Variants in ULK4 observed in about 807,000 individuals in gnomAD.
ULK4 encodes the protein unc-51 like kinase 4, also known as inactive serine/threonine-protein kinase ULK4.
Under a neutral mutation model 160.6 loss-of-function variants are expected in ULK4, and 133 were observed. The ratio of observed to expected loss-of-function variants is 0.83; its 90% confidence interval spans 0.72 to 0.96. ULK4 has a LOEUF of 0.96. Among genes scored for constraint, ULK4 ranks in the 40% least tolerant of loss-of-function variants. ULK4 has a pLI of 0.00. For missense variants in ULK4, 1,580 were observed against 1,499.5 expected (o/e 1.05, Z -0.89); for synonymous variants, 534 against 539.8 (o/e 0.99, Z 0.15).
At chr3:41,332,488 C>T (rs1385003615) in intron 35 of ULK4, among the ~76,000 whole-genome samples, 1 of 152,210 alleles carries the variant, frequency 6.6e-6, no homozygotes, top group Non-Finnish European at 1.5e-5. Context: ...GAAATCTTAA[C>T]TGCTCAACGG....
At chr3:41,756,644 G>A (rs2038813588) in intron 21 of ULK4, among the ~76,000 whole-genome samples, 1 of 152,192 alleles carries the variant, frequency 6.6e-6, no homozygotes, top group African/African-American at 2.4e-5. Context: ...AAGCTGGTCA[G>A]AGGCCCCCAG....
intron 21 of ULK4, among the ~76,000 whole-genome samples, chr3:41,775,655 T>A (rs2039584559): frequency 1.3e-5 from 2 of 150,686 alleles, no homozygotes; most frequent in Admixed American, 1.3e-4. Context: ...CACCTCAGCC[T>A]CCCAAAGTGC....
chr3:41,774,758 A>G (rs968771282), intron 21 of ULK4, among the ~76,000 whole-genome samples: 3 of 150,570 alleles, frequency 2.0e-5, no homozygotes, highest in Non-Finnish European at 4.4e-5. Context: ...ATGCTGCTAT[A>G]AAGACACATG....
Position 41,702,525 on chromosome 3 carries a change from G to C in ULK4, c.2781+2532C>G, listed in dbSNP as rs2036712397. Among the ~76,000 whole-genome samples, 4 of 152,082 alleles carry C rather than the reference G, an allele frequency of 2.6e-5. No homozygotes were observed. In the South Asian group the frequency reaches 8.3e-4, roughly 32 times the overall value. On this transcript the variant is annotated intron_variant, in intron 27 of 36. Coordinates refer to ENST00000301831, the MANE Select transcript of ULK4 (RefSeq NM_017886.4). The stretch of plus-strand genomic sequence containing the variant: ...ATAAAAGTAGATGTCTGAAGGAAAA[G>C]AATGAAAAAACATATAGCAGGCAAA...
intron 35 of ULK4, among the ~76,000 whole-genome samples, chr3:41,253,103 A>G (rs1257529741): frequency 6.6e-6 from 1 of 152,142 alleles, no homozygotes; most frequent in Non-Finnish European, 1.5e-5. Flanking sequence ...AAATAAAGAT[A>G]TTTTCAGATG....
At chr3:41,470,044 A>AAAAAAAAAAC (rs1415943037) in intron 32 of ULK4, among the ~76,000 whole-genome samples, 29 of 116,686 alleles carry the variant, frequency 2.5e-4, no homozygotes, top group African/African-American at 3.9e-4. Flanking sequence ...AAAAAAAAAA[A>AAAAAAAAAAC]AACAAAGTAT....
chr3:41,659,045 C>T (rs2035049793), intron 30 of ULK4, among the ~76,000 whole-genome samples: 1 of 152,212 alleles, frequency 6.6e-6, no homozygotes, highest in Middle Eastern at 3.4e-3. Context: ...ACTCATAGAA[C>T]TGTATACCTC....
chr3:41,945,857 T>C (rs1022931327), intron 2 of ULK4, among the ~76,000 whole-genome samples: 5 of 152,204 alleles, frequency 3.3e-5, no homozygotes, highest in African/African-American at 1.2e-4. Context: ...GCCAAAACCC[T>C]AGGATAATCA....
At chr3:41,378,346 C>G (rs1302526503) in intron 35 of ULK4, among the ~76,000 whole-genome samples, 1 of 150,758 alleles carries the variant, frequency 6.6e-6, no homozygotes, top group East Asian at 2.0e-4. Context: ...GCACAATGTG[C>G]ACATGTACCC....
chr3:41,448,683 C>T (rs2083359703), intron 34 of ULK4, among the ~76,000 whole-genome samples: 1 of 152,062 alleles, frequency 6.6e-6, no homozygotes, highest in African/African-American at 2.4e-5. Flanking sequence ...TGATAGTGCT[C>T]ATGGCAACGA....
At chr3:41,584,516 G>T (rs1019273628) in intron 31 of ULK4, among the ~76,000 whole-genome samples, 2 of 151,918 alleles carry the variant, frequency 1.3e-5, no homozygotes, top group African/African-American at 4.8e-5. Context: ...TCAACCCCTG[G>T]GCTGAAGTGA....
At chr3:41,266,381 G>A (rs1201931883) in intron 35 of ULK4, among the ~76,000 whole-genome samples, 1 of 152,198 alleles carries the variant, frequency 6.6e-6, no homozygotes, top group Non-Finnish European at 1.5e-5. Flanking sequence ...CAGGCTGGCT[G>A]CAGACTCTGC....
intron 12 of ULK4, among the ~76,000 whole-genome samples, chr3:41,904,400 G>A (rs2148795661): frequency 6.6e-6 from 1 of 152,120 alleles, no homozygotes; most frequent in South Asian, 2.1e-4. Flanking sequence ...CTCCACTCCA[G>A]CCTAGGTCAC....
At chr3:41,906,492 G>A (rs1216930405) in intron 12 of ULK4, among the ~76,000 whole-genome samples, 6 of 152,088 alleles carry the variant, frequency 3.9e-5, no homozygotes, top group African/African-American at 1.4e-4. Context: ...TTGTACCACT[G>A]TACTCCAGCC....
intron 34 of ULK4, among the ~76,000 whole-genome samples, chr3:41,445,813 G>A (rs1286927395): frequency 6.6e-6 from 1 of 151,978 alleles, no homozygotes; most frequent in Non-Finnish European, 1.5e-5. Flanking sequence ...CATAGGCATG[G>A]GCAAGGACTT....
chr3:41,793,893 T>C (rs548765527), intron 20 of ULK4, among the ~76,000 whole-genome samples: 3 of 152,134 alleles, frequency 2.0e-5, no homozygotes, highest in Non-Finnish European at 4.4e-5. Context: ...AAAGGACAAG[T>C]TAGTTATATT....
chr3:41,327,864 G>C (rs993848465), intron 35 of ULK4, among the ~76,000 whole-genome samples: 15 of 152,240 alleles, frequency 9.9e-5, no homozygotes, highest in Non-Finnish European at 4.4e-5. Context: ...CAGGCAGAGG[G>C]AAAGCTTAAG....
At position 41,792,632 on chromosome 3, in the gene ULK4, G is replaced by C. The variant is rs190166868; in HGVS notation, c.2011-2789C>G. ...TAAAAGATTTTCCCAGACTACTTCT[G>C]GGCAACTGGAATGGATCTTCTTCAG... On this transcript the variant is annotated intron_variant, in intron 20 of 36. Coordinates refer to ENST00000301831, the MANE Select transcript of ULK4 (RefSeq NM_017886.4). Among the ~76,000 whole-genome samples the C allele has an allele frequency of 1.5e-3, 232 of 152,016 alleles. 2 individuals are homozygous for C. Among genetic ancestry groups the C allele is most frequent in the African/African-American group, 5.3e-3 (222 of 41,526 alleles).
chr3:41,772,737 T>A (rs913862611), intron 21 of ULK4, among the ~76,000 whole-genome samples: 8 of 152,212 alleles, frequency 5.3e-5, no homozygotes, highest in African/African-American at 1.9e-4. Flanking sequence ...AGCATCATCC[T>A]GATACCAAAG....
Sources: allele counts gnomAD v4.1 joint callset (sites outside exome capture counted in the v4.1 genomes callset), GRCh38; gene constraint gnomAD v4.1.1; transcripts MANE v1.5; gene names NCBI Gene and HGNC (gene_info 2026-07-23, HGNC 2026-07-21).